The following GBP7 variants were observed in gnomAD, a reference collection of about 807,000 sequenced individuals.
GBP7 encodes the protein guanylate-binding protein 7.
Under a neutral mutation model 61.3 loss-of-function variants are expected in GBP7, and 43 were observed. The observed-to-expected ratio is 0.70, with a 90% confidence interval of 0.55 to 0.91. GBP7 has a LOEUF of 0.91. Ranked by LOEUF, GBP7 falls within the 40% of genes least tolerant of loss-of-function variation. The pLI, the probability that GBP7 is intolerant of heterozygous loss-of-function variation, is 0.00. For missense variants in GBP7, 717 were observed against 740.5 expected, an observed-to-expected ratio of 0.97 and a Z score of 0.37; for synonymous variants, 267 against 271.0, an observed-to-expected ratio of 0.99 and a Z score of 0.14.
rs530659606 is a variant in GBP7 at position 89,164,662 on chromosome 1, T to C, written c.318+69A>G. 384 of 1,471,660 alleles carry C rather than the reference T, an allele frequency of 2.6e-4. 1 individual carries two copies. The African/African-American group carries it at 4.9e-3, about 19-fold the overall frequency. 91.2% of individuals were successfully genotyped at this position (1,471,660 alleles called of 1,614,324 possible). On this transcript the variant is annotated intron_variant, in intron 3 of 10. Transcript: ENST00000294671. ...CAGGAATAGGCCAGAGAAGTTGGAT[T>C]GATACTATGCATAAAAACATAAATA...
At chr1:89,154,890 C>A (rs1225636253) in intron 3 of GBP7, among the ~76,000 whole-genome samples, 2 of 152,160 alleles carry the variant, frequency 1.3e-5, no homozygotes, top group Admixed American at 1.3e-4. Flanking sequence ...TGAGAATGGA[C>A]AGACTGCCTC....
intron 8 of GBP7, among the ~76,000 whole-genome samples, chr1:89,142,139 A>G (rs1029177789): frequency 6.6e-6 from 1 of 152,204 alleles, no homozygotes; most frequent in Non-Finnish European, 1.5e-5. Context: ...ATAGTTCATT[A>G]AAAGTAAACA....
chr1:89,141,724 C>A, intron 8 of GBP7, 76 bp from the exon 9 acceptor site: 1 of 1,115,642 alleles, frequency 9.0e-7, no homozygotes. Flanking sequence ...TATTGTTCAA[C>A]AAAGCCACAA....
Position 89,132,317 on chromosome 1 carries a change from T to G in GBP7, c.1749A>C (p.Glu583Asp), listed in dbSNP as rs1333748818. 1.9e-6 allele frequency: 3 copies of G among 1,613,808 alleles called. No individual in the cohort carries two copies. Among genetic ancestry groups the G allele is most frequent in the Non-Finnish European group, 2.5e-6 (3 of 1,179,880 alleles). ...CTGAGGGCTCTTCATTTTCAGCTGC[T>G]TCAATTTGTTCTTTCAGTCGATTAA... ...EEINRLKEQI[E>D]AAENEEPSVF... is the part of the protein sequence containing the mutation. The change falls in exon 11 of 11, where the codon GAA (glutamate) becomes GAC (aspartate). Residue 583 changes from glutamate (E) to aspartate (D), a missense_variant. Coordinates refer to ENST00000294671, the MANE Select transcript of GBP7 (RefSeq NM_207398.3).
At chr1:89,144,721 A>G (rs2100642475) in intron 8 of GBP7, among the ~76,000 whole-genome samples, 1 of 152,270 alleles carries the variant, frequency 6.6e-6, no homozygotes, top group Middle Eastern at 3.4e-3. Context: ...TCATGCAGTT[A>G]TCTTTTTTTT....
intron 3 of GBP7, among the ~76,000 whole-genome samples, chr1:89,164,122 G>A (rs1280626198): frequency 6.6e-6 from 1 of 152,132 alleles, no homozygotes; most frequent in East Asian, 1.9e-4. Context: ...CACCCGCCTC[G>A]GCCTTGCAAA....
At chr1:89,159,685 T>A (rs538690672) in intron 3 of GBP7, among the ~76,000 whole-genome samples, 3 of 152,308 alleles carry the variant, frequency 2.0e-5, no homozygotes, top group South Asian at 2.1e-4. Flanking sequence ...CCAGTTAGAA[T>A]GGCAATCATT....
At chr1:89,134,391 C>T (rs1204741414) in intron 9 of GBP7, among the ~76,000 whole-genome samples, 1 of 152,216 alleles carries the variant, frequency 6.6e-6, no homozygotes, top group Non-Finnish European at 1.5e-5. Context: ...ACCTTGGACC[C>T]CACTGCCACT....
At chr1:89,143,854 A>G (rs1682008357) in intron 8 of GBP7, among the ~76,000 whole-genome samples, 1 of 152,180 alleles carries the variant, frequency 6.6e-6, no homozygotes, top group Non-Finnish European at 1.5e-5. Flanking sequence ...GGGGATTACA[A>G]TTCAATATGA....
At chr1:89,168,814 A>AAC (rs1557466043) in intron 2 of GBP7, among the ~76,000 whole-genome samples, 3 of 147,210 alleles carry the variant, frequency 2.0e-5, no homozygotes, top group Admixed American at 1.4e-4. Context: ...ACAACAACAA[A>AAC]AAACGGTAGC....
At chr1:89,158,875 A>G (rs1476137193) in intron 3 of GBP7, among the ~76,000 whole-genome samples, 2 of 152,202 alleles carry the variant, frequency 1.3e-5, no homozygotes, top group Admixed American at 6.5e-5. Context: ...TAAAGTTCAT[A>G]TGGAACCAAA....
chr1:89,148,723 T>C (rs940932657), intron 7 of GBP7, among the ~76,000 whole-genome samples: 1 of 152,212 alleles, frequency 6.6e-6, no homozygotes, highest in African/African-American at 2.4e-5. Flanking sequence ...CAGCTTGTGA[T>C]ACACTGAGTG....
intron 8 of GBP7, among the ~76,000 whole-genome samples, chr1:89,144,278 T>C (rs1421982738): frequency 6.6e-6 from 1 of 152,214 alleles, no homozygotes; most frequent in East Asian, 1.9e-4. Context: ...AGTCTACTAT[T>C]GATGGGCGCA....
chr1:89,150,255 G>T, intron 6 of GBP7, 75 bp downstream of exon 6: 1 of 1,365,748 alleles, frequency 7.3e-7, no homozygotes, highest in Non-Finnish European at 1.0e-6. Context: ...AGTTGTTCGT[G>T]CTCATAAGCT....
chr1:89,145,257 C>T lies in GBP7; in HGVS notation c.1365+2310G>A, dbSNP rs181422807. On this transcript the variant is annotated intron_variant, in intron 8 of 10. Coordinates refer to ENST00000294671, the MANE Select transcript of GBP7 (RefSeq NM_207398.3). ...TGAGCCACTGTGCCTAGCTGACTTTCGCTCTTTTTAAATAATTTCACATAA... is the reference window on the plus strand; with the variant it reads ...TGAGCCACTGTGCCTAGCTGACTTTTGCTCTTTTTAAATAATTTCACATAA... 2.2e-3 allele frequency among the ~76,000 whole-genome samples: 337 copies of T among 152,156 alleles called. 6 individuals are homozygous for T. Among genetic ancestry groups the T allele is most frequent in the Non-Finnish European group, 3.2e-3 (220 of 67,998 alleles).
At chr1:89,153,929 C>T (rs1682257894) in intron 3 of GBP7, among the ~76,000 whole-genome samples, 1 of 152,168 alleles carries the variant, frequency 6.6e-6, no homozygotes, top group African/African-American at 2.4e-5. Flanking sequence ...AGAGACCCAA[C>T]AGAACCCAAG....
At chr1:89,152,865 T>C (rs574310766) in intron 3 of GBP7, 88 bp from the exon 4 acceptor site, 4 of 1,005,194 alleles carry the variant, frequency 4.0e-6, no homozygotes, top group South Asian at 4.4e-5. Flanking sequence ...TAACCAAAAC[T>C]GAAGTCATTC....
Position 89,152,422 on chromosome 1 carries a change from G to A in GBP7, c.471C>T (p.Cys157=), listed in dbSNP as rs1257037810. The A allele has an allele frequency of 3.7e-6, 6 of 1,614,014 alleles. No individual in the cohort carries two copies. The highest frequency in any genetic ancestry group is 5.1e-6 in the Non-Finnish European group (6 of 1,180,022). Residue 157 remains cysteine, a synonymous_variant, in exon 5 of 11, where the codon TGC becomes TGT. Transcript: ENST00000294671. ...ELTELIRAKS[C]PRPDEVEDSS... ...AGTCCTCAACTTCATCAGGTCTGGG[G>A]CACGATTTTGCCCTGATTAGCTCTG...
In GBP7 at chr1:89,161,320, C is replaced by G. The variant is rs547674176; in HGVS notation, c.318+3411G>C. 1.9e-3 allele frequency among the ~76,000 whole-genome samples: 291 copies of G among 152,226 alleles called. 1 individual carries two copies. Among genetic ancestry groups the G allele is most frequent in the Middle Eastern group, 6.8e-3 (2 of 294 alleles). ...GGCATTGCTGGGTCAAATGGTAGTT[C>G]TGTCTTTAGGTCTTTGAGTAGTTGC... On this transcript the variant is annotated intron_variant, in intron 3 of 10. Coordinates refer to ENST00000294671, the MANE Select transcript of GBP7 (RefSeq NM_207398.3).
Sources: allele counts gnomAD v4.1 joint callset (sites outside exome capture counted in the v4.1 genomes callset), GRCh38; gene constraint gnomAD v4.1.1; transcripts MANE v1.5; gene names NCBI Gene and HGNC (gene_info 2026-07-23, HGNC 2026-07-21).